The following MON2 variants were observed in gnomAD, a reference collection of about 807,000 sequenced individuals.
MON2 encodes MON2 regulator of endosome-to-Golgi trafficking, also known as protein MON2 homolog.
In MON2, 84 loss-of-function variants were observed where a neutral mutation model predicts 208.6. That is an observed-to-expected ratio of 0.40 (90% CI 0.34 to 0.48). The LOEUF (loss-of-function observed/expected upper bound fraction) is 0.48. Ranked by LOEUF, MON2 falls within the 20% of genes least tolerant of loss-of-function variation. The pLI is 0.59. For synonymous variants in MON2, 660 were observed against 694.0 expected (o/e 0.95, Z 0.77); for missense variants, 1,611 against 2,015.4 (o/e 0.80, Z 3.84).
chr12:62,501,489 AT>A (rs890697495), intron 6 of MON2, 83 bp from the exon 7 acceptor site: 6 of 1,496,990 alleles, frequency 4.0e-6, no homozygotes, highest in African/African-American at 2.8e-5. Flanking sequence ...AAGAAGATAG[AT>A]TTTTTTTAAA....
intron 24 of MON2, among the ~76,000 whole-genome samples, chr12:62,554,209 TCACA>T (rs2073870468): frequency 6.6e-6 from 1 of 152,252 alleles, no homozygotes; most frequent in Non-Finnish European, 1.5e-5. Context: ...GATTTTTTTC[TCACA>T]CACCTTGCAT....
chr12:62,512,943 CCT>C (rs2071488104), intron 8 of MON2, among the ~76,000 whole-genome samples: 2 of 152,166 alleles, frequency 1.3e-5, no homozygotes, highest in Non-Finnish European at 2.9e-5. Flanking sequence ...ATGCTTGCAC[CCT>C]CTGAAGCTAC....
Position 62,536,221 on chromosome 12 carries a change from G to GT in MON2, c.1900+514dup, listed in dbSNP as rs1346132176. On this transcript the variant is annotated intron_variant, in intron 14 of 34. Transcript: ENST00000393630. ...ATGAGATACCATTGAAATGGTGATT[G>GT]TTATTTTTTTTTAATGGAACTAGTA... Among the ~76,000 whole-genome samples, 7 of 108,746 alleles carry GT rather than the reference G, an allele frequency of 6.4e-5. 1 individual carries two copies. Among genetic ancestry groups the GT allele is most frequent in the Middle Eastern group, 0.011 (2 of 188 alleles). 71.3% of individuals were successfully genotyped at this position (108,746 alleles called of 152,430 possible).
At chr12:62,516,431 G>T (rs1346683368) in intron 8 of MON2, among the ~76,000 whole-genome samples, 1 of 152,260 alleles carries the variant, frequency 6.6e-6, no homozygotes, top group Middle Eastern at 3.4e-3. Flanking sequence ...GAGGCCAGGC[G>T]CCATGGCTCA....
chr12:62,486,027 T>A (rs111628227), intron 2 of MON2, among the ~76,000 whole-genome samples: 1 of 152,152 alleles, frequency 6.6e-6, no homozygotes, highest in East Asian at 1.9e-4. Flanking sequence ...ATGGGAGATG[T>A]ACATTAGGCA....
intron 19 of MON2, 103 bp downstream of exon 19, chr12:62,538,608 T>G: frequency 2.5e-6 from 2 of 794,944 alleles, no homozygotes; most frequent in Non-Finnish European, 2.0e-6. Context: ...ACACTCAGAT[T>G]GTATGGTAAC....
chr12:62,573,955 A>G (rs1207702238), intron 30 of MON2, among the ~76,000 whole-genome samples: 1 of 152,210 alleles, frequency 6.6e-6, no homozygotes, highest in East Asian at 1.9e-4. Flanking sequence ...GTTGGAAAAT[A>G]CATTACTTAA....
At chr12:62,467,540 A>G (rs1039498980) in intron 1 of MON2, among the ~76,000 whole-genome samples, 2 of 152,164 alleles carry the variant, frequency 1.3e-5, no homozygotes, top group African/African-American at 4.8e-5. Context: ...TTAGGAGTGA[A>G]GTTCATGAAG....
At chr12:62,507,928 C>G (rs2071189161) in intron 7 of MON2, among the ~76,000 whole-genome samples, 1 of 152,004 alleles carries the variant, frequency 6.6e-6, no homozygotes, top group Admixed American at 6.6e-5. Flanking sequence ...GCCACCATAC[C>G]TGGCTAATTT....
intron 26 of MON2, among the ~76,000 whole-genome samples, chr12:62,564,014 A>G (rs960846891): frequency 6.6e-6 from 1 of 152,112 alleles, no homozygotes; most frequent in Non-Finnish European, 1.5e-5. Flanking sequence ...TATAAATTTT[A>G]CTATTCAAAT....
At chr12:62,545,840 T>G (rs1046862258) in intron 21 of MON2, among the ~76,000 whole-genome samples, 4 of 152,228 alleles carry the variant, frequency 2.6e-5, no homozygotes, top group Admixed American at 2.6e-4. Flanking sequence ...GAGCTTACAT[T>G]TAATGATTTC....
intron 15 of MON2, 33 bp from the exon 16 acceptor site, chr12:62,537,569 A>G: frequency 6.8e-7 from 1 of 1,462,044 alleles, no homozygotes; most frequent in Non-Finnish European, 9.4e-7. Context: ...AATACATAAC[A>G]ATTATTGAAA....
intron 20 of MON2, 84 bp from the exon 21 acceptor site, chr12:62,544,814 T>G: frequency 6.4e-7 from 1 of 1,555,758 alleles, no homozygotes; most frequent in South Asian, 1.2e-5. Flanking sequence ...CCAACCCTTA[T>G]TGAACATTTG....
intron 29 of MON2, among the ~76,000 whole-genome samples, chr12:62,570,703 A>G (rs1191297403): frequency 8.2e-6 from 1 of 121,334 alleles, no homozygotes; most frequent in African/African-American, 3.1e-5. Flanking sequence ...TGGAATAACT[A>G]TGGCAGAATT....
intron 1 of MON2, among the ~76,000 whole-genome samples, chr12:62,476,953 C>T (rs140601360): frequency 7.6e-4 from 116 of 152,116 alleles, no homozygotes; most frequent in African/African-American, 2.6e-3. Flanking sequence ...GATAGGAATT[C>T]GAGACTAGCC....
intron 26 of MON2, 75 bp downstream of exon 26, chr12:62,561,188 G>A (rs553234669): frequency 1.3e-5 from 16 of 1,260,554 alleles, no homozygotes; most frequent in African/African-American, 3.0e-5. Flanking sequence ...ATATATTTGC[G>A]GGGATAAATT....
chr12:62,561,326 TAAA>T (rs1316101676), intron 26 of MON2, among the ~76,000 whole-genome samples: 2 of 152,172 alleles, frequency 1.3e-5, no homozygotes, highest in Non-Finnish European at 2.9e-5. Flanking sequence ...TTTTGAATCT[TAAA>T]GAAGCTGCCT....
intron 30 of MON2, among the ~76,000 whole-genome samples, chr12:62,573,870 G>T (rs193159849): frequency 3.9e-5 from 6 of 152,256 alleles, no homozygotes; most frequent in South Asian, 2.1e-4. Context: ...CAATGCAGTT[G>T]TAGTATAATT....
intron 33 of MON2, 153 bp downstream of exon 33, chr12:62,585,654 C>G (rs1042550804): frequency 3.4e-6 from 2 of 582,422 alleles, no homozygotes; most frequent in African/African-American, 3.7e-5. Context: ...TAAATATTCA[C>G]AGGTTTTCCT....
Sources: allele counts gnomAD v4.1 joint callset (sites outside exome capture counted in the v4.1 genomes callset), GRCh38; gene constraint gnomAD v4.1.1; transcripts MANE v1.5; gene names NCBI Gene and HGNC (gene_info 2026-07-23, HGNC 2026-07-21).